Variants in EYS observed in about 807,000 individuals in gnomAD.
EYS encodes the protein EGF-like photoreceptor maintenance factor, also known as protein eyes shut homolog.
Under a neutral mutation model 282.1 loss-of-function variants are expected in EYS, and 250 were observed. The observed-to-expected ratio is 0.89, with a 90% CI of 0.80 to 0.98. EYS has a LOEUF of 0.98. EYS is among the 50% of genes least tolerant of loss of function. The pLI is 0.00. For missense variants in EYS, 4,016 were observed against 3,709.0 expected (o/e 1.08, Z -2.15); for synonymous variants, 1,355 against 1,282.9 (o/e 1.06, Z -1.20).
intron 19 of EYS, among the ~76,000 whole-genome samples, chr6:64,863,622 C>G (rs1766319581): frequency 6.6e-6 from 1 of 152,132 alleles, no homozygotes; most frequent in South Asian, 2.1e-4. Flanking sequence ...TTTGGGTGCA[C>G]TTAGAATAGC....
At chr6:63,755,230 A>T (rs952251829) in intron 41 of EYS, among the ~76,000 whole-genome samples, 1 of 152,060 alleles carries the variant, frequency 6.6e-6, no homozygotes, top group Non-Finnish European at 1.5e-5. Flanking sequence ...TTTTGTTGCC[A>T]TTGCTTTTGG....
intron 2 of EYS, among the ~76,000 whole-genome samples, chr6:65,580,859 AAGGCCAT>A (rs1764841034): frequency 6.6e-6 from 1 of 152,070 alleles, no homozygotes; most frequent in Non-Finnish European, 1.5e-5. Flanking sequence ...AGGGATATTA[AAGGCCAT>A]TTTTTATCTC....
At chr6:65,312,594 T>C (rs1375029577) in intron 11 of EYS, among the ~76,000 whole-genome samples, 2 of 152,188 alleles carry the variant, frequency 1.3e-5, no homozygotes, top group Admixed American at 1.3e-4. Flanking sequence ...TCTAGATAAT[T>C]GCTGCTTTGG....
chr6:64,248,018 C>A (rs576030040), intron 30 of EYS, among the ~76,000 whole-genome samples: 1 of 152,070 alleles, frequency 6.6e-6, no homozygotes, highest in Non-Finnish European at 1.5e-5. Flanking sequence ...GAGGCCGAGT[C>A]CTAAAAGACC....
chr6:64,149,672 G>A (rs1296318550), intron 31 of EYS, among the ~76,000 whole-genome samples: 3 of 152,112 alleles, frequency 2.0e-5, no homozygotes, highest in Non-Finnish European at 4.4e-5. Flanking sequence ...TATAAATGAG[G>A]AACTAAAATA....
intron 31 of EYS, among the ~76,000 whole-genome samples, chr6:64,187,727 T>C (rs1296391606): frequency 6.6e-6 from 1 of 152,098 alleles, no homozygotes. Context: ...CAATAGATAT[T>C]GTTTCATTAA....
intron 23 of EYS, among the ~76,000 whole-genome samples, chr6:64,623,511 G>T (rs1280993496): frequency 6.6e-6 from 1 of 152,006 alleles, no homozygotes; most frequent in Non-Finnish European, 1.5e-5. Context: ...AAATAACATG[G>T]TGTCTATGCA....
intron 26 of EYS, among the ~76,000 whole-genome samples, chr6:64,463,224 T>G (rs1775813515): frequency 6.6e-6 from 1 of 152,200 alleles, no homozygotes; most frequent in African/African-American, 2.4e-5. Flanking sequence ...GTGCTGGGAT[T>G]ACAGGCGTGA....
chr6:65,653,712 G>A (rs12189739), intron 1 of EYS, among the ~76,000 whole-genome samples: 3,195 of 151,998 alleles, frequency 0.021, 47 homozygotes, highest in Middle Eastern at 0.078. Context: ...CTCAAGGACA[G>A]GCAAATAGAG....
chr6:63,772,243 C>G (rs956634755), intron 40 of EYS, among the ~76,000 whole-genome samples: 7 of 152,024 alleles, frequency 4.6e-5, no homozygotes, highest in Non-Finnish European at 8.8e-5. Flanking sequence ...TCACTGCAGC[C>G]TCTGCCTCCT....
intron 22 of EYS, among the ~76,000 whole-genome samples, chr6:64,767,779 T>G (rs1773400070): frequency 6.6e-6 from 1 of 152,178 alleles, no homozygotes; most frequent in Non-Finnish European, 1.5e-5. Flanking sequence ...ATACTGATTT[T>G]TTTCCTTTTG....
chr6:64,547,592 T>C (rs965430403), intron 26 of EYS, among the ~76,000 whole-genome samples: 4 of 152,178 alleles, frequency 2.6e-5, no homozygotes, highest in Non-Finnish European at 5.9e-5. Context: ...AATTGGTGTA[T>C]TTACAATCCC....
chr6:64,751,196 T>G (rs1772739624), intron 22 of EYS, among the ~76,000 whole-genome samples: 1 of 151,384 alleles, frequency 6.6e-6, no homozygotes, highest in African/African-American at 2.4e-5. Context: ...CTGGGCAGAG[T>G]TTTTCCAGGC....
At chr6:64,053,646 TTAAC>T (rs1770886413) in intron 33 of EYS, among the ~76,000 whole-genome samples, 1 of 152,136 alleles carries the variant, frequency 6.6e-6, no homozygotes, top group African/African-American at 2.4e-5. Context: ...GTGTAAATAA[TTAAC>T]TACAGGTGAA....
intron 11 of EYS, among the ~76,000 whole-genome samples, chr6:65,322,262 C>T (rs1451586005): frequency 1.3e-5 from 2 of 152,122 alleles, no homozygotes; most frequent in Admixed American, 6.6e-5. Context: ...GGTTCACCTT[C>T]AAGAGAAAGA....
chr6:64,139,808 A>G (rs1774280044), intron 31 of EYS, among the ~76,000 whole-genome samples: 2 of 151,964 alleles, frequency 1.3e-5, no homozygotes, highest in African/African-American at 4.8e-5. Context: ...GTCTCTACTA[A>G]AAATACAAAA....
At chr6:64,125,785 CAAAAAAA>C (rs920132590) in intron 31 of EYS, among the ~76,000 whole-genome samples, 8 of 50,018 alleles carry the variant, frequency 1.6e-4, no homozygotes, top group East Asian at 1.3e-3. Context: ...GACTCCGTCT[CAAAAAAA>C]AAAAAAAAAA....
chr6:65,662,689 C>T (rs928533784), intron 1 of EYS, among the ~76,000 whole-genome samples: 1 of 152,096 alleles, frequency 6.6e-6, no homozygotes, highest in Non-Finnish European at 1.5e-5. Flanking sequence ...ATGTCAAGAA[C>T]CACAGTGTTG....
chr6:64,337,893 A>C (rs1770915310), intron 29 of EYS, among the ~76,000 whole-genome samples: 1 of 152,116 alleles, frequency 6.6e-6, no homozygotes, highest in Non-Finnish European at 1.5e-5. Flanking sequence ...TGATCATCTC[A>C]ATAGATGCAG....
Sources: allele counts gnomAD v4.1 joint callset (sites outside exome capture counted in the v4.1 genomes callset), GRCh38; gene constraint gnomAD v4.1.1; transcripts MANE v1.5; gene names NCBI Gene and HGNC (gene_info 2026-07-23, HGNC 2026-07-21).